The following EVI5 variants were observed in gnomAD, a reference collection of about 807,000 sequenced individuals.
EVI5 encodes the protein ecotropic viral integration site 5, also known as ecotropic viral integration site 5 protein homolog.
EVI5 carries 73 observed loss-of-function variants against 112.0 expected under a neutral mutation model. That is an observed-to-expected ratio of 0.65 (90% CI 0.54 to 0.79). The LOEUF is 0.79. EVI5 is among the 30% of genes least tolerant of loss of function. The pLI, the probability that EVI5 is intolerant of heterozygous loss-of-function variation, is 0.00. For missense variants in EVI5, 900 were observed against 968.8 expected (o/e 0.93, Z 0.94); for synonymous variants, 305 against 319.9 (o/e 0.95, Z 0.50).
intron 15 of EVI5, among the ~76,000 whole-genome samples, chr1:92,624,689 CAAAAAAAAA>C (rs141559165): frequency 4.8e-4 from 25 of 51,758 alleles, no homozygotes; most frequent in East Asian, 1.7e-3. Context: ...GTCTCTACTT[CAAAAAAAAA>C]AAAAAAAAAA....
chr1:92,718,212 C>A lies in EVI5; in HGVS notation c.150-13468G>T, dbSNP rs373965964. 5.9e-5 allele frequency among the ~76,000 whole-genome samples: 9 copies of A among 152,336 alleles called. No homozygotes were observed. In the East Asian group the frequency reaches 9.6e-4, roughly 16 times the overall value. ...GCAGACCTAATAGACATCTACAGAA[C>A]TCTCCACTGCAAATCAACAGAATAT... On this transcript the variant is annotated intron_variant, in intron 2 of 19. Transcript: ENST00000684568.
chr1:92,679,611 C>CTAT (rs1189638151), intron 9 of EVI5, among the ~76,000 whole-genome samples: 1 of 152,132 alleles, frequency 6.6e-6, no homozygotes, highest in Non-Finnish European at 1.5e-5. Context: ...CCAGTTTACC[C>CTAT]TATTATTAAC....
At chr1:92,664,356 A>T (rs1664516485) in intron 11 of EVI5, among the ~76,000 whole-genome samples, 1 of 152,136 alleles carries the variant, frequency 6.6e-6, no homozygotes, top group Admixed American at 6.5e-5. Flanking sequence ...CTAAGCCAAT[A>T]AAAAAAGGAA....
chr1:92,735,641 T>TG, intron 2 of EVI5, among the ~76,000 whole-genome samples: 1 of 23,668 alleles, frequency 4.2e-5, no homozygotes, highest in Non-Finnish European at 8.2e-5. Flanking sequence ...ATATATGTCA[T>TG]ATATATATAT....
chr1:92,717,402 A>ACT (rs1673915199), intron 2 of EVI5, among the ~76,000 whole-genome samples: 1 of 152,212 alleles, frequency 6.6e-6, no homozygotes, highest in Non-Finnish European at 1.5e-5. Flanking sequence ...ACATTCTTAA[A>ACT]GAAAAGAATT....
intron 1 of EVI5, among the ~76,000 whole-genome samples, chr1:92,738,278 T>C (rs1256075721): frequency 6.6e-6 from 1 of 152,096 alleles, no homozygotes; most frequent in Non-Finnish European, 1.5e-5. Context: ...ATAAACTCAA[T>C]TGTGAAAATG....
chr1:92,772,453 G>A (rs1346472151), intron 1 of EVI5, among the ~76,000 whole-genome samples: 4 of 151,640 alleles, frequency 2.6e-5, no homozygotes, highest in African/African-American at 4.8e-5. Context: ...AAAATTAGCC[G>A]GGCTTGGTGG....
intron 13 of EVI5, among the ~76,000 whole-genome samples, chr1:92,642,544 A>G (rs1324521497): frequency 2.0e-5 from 3 of 152,254 alleles, no homozygotes; most frequent in African/African-American, 7.2e-5. Flanking sequence ...CCCACCAGGT[A>G]TATCAGGTGT....
chr1:92,528,801 G>A (rs1177987671), intron 19 of EVI5, among the ~76,000 whole-genome samples: 1 of 152,136 alleles, frequency 6.6e-6, no homozygotes, highest in African/African-American at 2.4e-5. Context: ...AGTGTGGGAG[G>A]AGTAACGAGG....
intron 19 of EVI5, among the ~76,000 whole-genome samples, chr1:92,554,071 A>C (rs1001734507): frequency 6.6e-6 from 1 of 152,228 alleles, no homozygotes; most frequent in Non-Finnish European, 1.5e-5. Context: ...TAAAAGCTAC[A>C]ATGCTAGTAG....
Position 92,702,172 on chromosome 1 carries a change from CT to C in EVI5, c.607del (p.Ser203ValfsTer4). Reference sequence around the variant, plus strand: ...AAGCAACAATCCAACTATAAAAGCACTTCCTTGACAGTAACCAACCTCACGA... The same window carrying C: ...AAGCAACAATCCAACTATAAAAGCACTCCTTGACAGTAACCAACCTCACGA... The part of the protein sequence containing the change: ...VDREVGYCQG[S>X]AFIVGLLLMQ... On this transcript the variant is annotated frameshift_variant, in exon 5 of 20. Transcript: ENST00000684568. LOFTEE classifies it high-confidence loss of function. The C allele has an allele frequency of 6.6e-7, 1 of 1,515,886 alleles. No individual in the cohort carries two copies. 93.9% of individuals were successfully genotyped at this position (1,515,886 alleles called of 1,614,324 possible).
chr1:92,637,714 G>C (rs1659174395), intron 13 of EVI5, among the ~76,000 whole-genome samples: 1 of 152,030 alleles, frequency 6.6e-6, no homozygotes, highest in Admixed American at 6.6e-5. Flanking sequence ...TACTGAACTA[G>C]CATGAATAAA....
intron 18 of EVI5, among the ~76,000 whole-genome samples, chr1:92,573,461 C>T (rs1200784848): frequency 6.6e-6 from 1 of 152,028 alleles, no homozygotes; most frequent in Non-Finnish European, 1.5e-5. Context: ...AATCTCATTA[C>T]AGATTTTTAG....
chr1:92,548,033 A>C (rs1426065117), intron 19 of EVI5, among the ~76,000 whole-genome samples: 1 of 152,224 alleles, frequency 6.6e-6, no homozygotes, highest in Non-Finnish European at 1.5e-5. Flanking sequence ...AGCCTGGCAG[A>C]GACACAACAA....
At chr1:92,666,374 CACAT>C (rs1362478863) in intron 10 of EVI5, among the ~76,000 whole-genome samples, 2 of 151,344 alleles carry the variant, frequency 1.3e-5, no homozygotes, top group East Asian at 1.9e-4. Context: ...CACACACACA[CACAT>C]GCATGCATGC....
At chr1:92,633,302 G>C (rs541898584) in intron 14 of EVI5, among the ~76,000 whole-genome samples, 1 of 152,314 alleles carries the variant, frequency 6.6e-6, no homozygotes, top group East Asian at 1.9e-4. Context: ...TATTGTGTGG[G>C]AGTCTAAGTC....
At chr1:92,661,684 T>TTCAA (rs1230477825) in intron 13 of EVI5, among the ~76,000 whole-genome samples, 1 of 152,084 alleles carries the variant, frequency 6.6e-6, no homozygotes, top group Non-Finnish European at 1.5e-5. Flanking sequence ...CTTAGCAATC[T>TTCAA]TCAATAACAG....
At chr1:92,719,142 C>A (rs1313059634) in intron 2 of EVI5, among the ~76,000 whole-genome samples, 3 of 150,738 alleles carry the variant, frequency 2.0e-5, no homozygotes, top group Non-Finnish European at 4.4e-5. Context: ...ACCATTTCTT[C>A]TGAAAATATT....
At chr1:92,584,427 T>C (rs1459613651) in intron 18 of EVI5, among the ~76,000 whole-genome samples, 3 of 152,194 alleles carry the variant, frequency 2.0e-5, no homozygotes, top group African/African-American at 2.4e-5. Context: ...ATGAAATTAC[T>C]ATAGTAGAAG....
Sources: allele counts gnomAD v4.1 joint callset (sites outside exome capture counted in the v4.1 genomes callset), GRCh38; gene constraint gnomAD v4.1.1; transcripts MANE v1.5; gene names NCBI Gene and HGNC (gene_info 2026-07-23, HGNC 2026-07-21).